The following UMAD1 variants were observed in gnomAD, a reference collection of about 807,000 sequenced individuals.
The protein encoded by UMAD1 is UBAP1-MVB12-associated (UMA)-domain containing protein 1.
In UMAD1, 8 loss-of-function variants were observed where a neutral mutation model predicts 6.1. The ratio of observed to expected loss-of-function variants is 1.30; its 90% confidence interval spans 0.76 to 2.35. The LOEUF (loss-of-function observed/expected upper bound fraction) is 2.35. Ranked by LOEUF, UMAD1 falls within the 30% of genes most tolerant of loss-of-function variation. The probability of loss-of-function intolerance (pLI) is 0.00; values close to 1 mark genes in which losing one functional copy is unlikely to be tolerated. For synonymous variants in UMAD1, 56 were observed against 31.4 expected (o/e 1.78, Z -2.61); for missense variants, 130 against 78.4 (o/e 1.66, Z -2.49).
At chr7:7,744,559 A>G (rs1048874958) in intron 2 of UMAD1, among the ~76,000 whole-genome samples, 18 of 147,256 alleles carry the variant, frequency 1.2e-4, no homozygotes, top group Middle Eastern at 3.6e-3. Context: ...AAGGGTTCTC[A>G]TTTCTCCACG....
At chr7:7,865,045 C>G (rs186500463) in intron 3 of UMAD1, among the ~76,000 whole-genome samples, 190 of 152,268 alleles carry the variant, frequency 1.2e-3, no homozygotes, top group African/African-American at 4.4e-3. Flanking sequence ...TGATCTTGCC[C>G]TATGCATCTC....
At chr7:7,842,970 C>T (rs147873406) in intron 3 of UMAD1, among the ~76,000 whole-genome samples, 9 of 152,246 alleles carry the variant, frequency 5.9e-5, no homozygotes, top group South Asian at 2.1e-4. Flanking sequence ...TGAAGGGGGA[C>T]GCTGTGGGCC....
At chr7:7,665,164 A>T (rs965303179) in intron 1 of UMAD1, among the ~76,000 whole-genome samples, 1 of 152,210 alleles carries the variant, frequency 6.6e-6, no homozygotes, top group Admixed American at 6.5e-5. Context: ...AAATTGAGAA[A>T]ACCATGTTGC....
At chr7:7,760,414 A>ATAG (rs890786937) in intron 2 of UMAD1, among the ~76,000 whole-genome samples, 1 of 52,798 alleles carries the variant, frequency 1.9e-5, no homozygotes, top group Non-Finnish European at 3.9e-5. Flanking sequence ...AAAATACAAA[A>ATAG]TAATAATAAT....
chr7:7,775,633 A>C (rs957829000), intron 2 of UMAD1, among the ~76,000 whole-genome samples: 1 of 152,204 alleles, frequency 6.6e-6, no homozygotes, highest in African/African-American at 2.4e-5. Flanking sequence ...GAAAGGCTAA[A>C]ATTACAAAGA....
At chr7:7,707,364 G>T (rs1002376030) in intron 2 of UMAD1, among the ~76,000 whole-genome samples, 1 of 152,016 alleles carries the variant, frequency 6.6e-6, no homozygotes, top group African/African-American at 2.4e-5. Context: ...CTTTTTGCTT[G>T]CCTTGAATGA....
chr7:7,842,212 G>T lies in UMAD1; in HGVS notation c.157-35069G>T, dbSNP rs147750519. Among the ~76,000 whole-genome samples, 19 of 152,200 alleles carry T rather than the reference G, an allele frequency of 1.2e-4. No homozygotes were observed. The East Asian group carries it at 3.7e-3, about 29-fold the overall frequency. ...GACACTGAGTGGCTTAGTTCTGTGAGCCCCAGTTCTTTCTCTGTAAAATGA... is the reference window on the plus strand; with the variant it reads ...GACACTGAGTGGCTTAGTTCTGTGATCCCCAGTTCTTTCTCTGTAAAATGA... On this transcript the variant is annotated intron_variant, in intron 3 of 3. Transcript: ENST00000682710.
At chr7:7,844,408 T>C (rs1783745054) in intron 3 of UMAD1, among the ~76,000 whole-genome samples, 1 of 152,172 alleles carries the variant, frequency 6.6e-6, no homozygotes, top group Non-Finnish European at 1.5e-5. Flanking sequence ...TTTTAAAGTG[T>C]CCTACCTAGT....
At chr7:7,801,870 G>T in intron 3 of UMAD1, 127 bp downstream of exon 3, 1 of 626,644 alleles carries the variant, frequency 1.6e-6, no homozygotes, top group Non-Finnish European at 2.9e-6. Flanking sequence ...AGGGAAACAA[G>T]TGGTCTGCTG....
chr7:7,671,137 C>T (rs559440677), intron 1 of UMAD1, among the ~76,000 whole-genome samples: 23 of 152,244 alleles, frequency 1.5e-4, no homozygotes, highest in African/African-American at 5.5e-4. Flanking sequence ...GAATTGAGAC[C>T]AGATTATTTT....
At chr7:7,860,826 T>G (rs1005065480) in intron 3 of UMAD1, among the ~76,000 whole-genome samples, 2 of 151,362 alleles carry the variant, frequency 1.3e-5, no homozygotes, top group Non-Finnish European at 2.9e-5. Context: ...TTGTCCTACA[T>G]TAGACAAAAG....
At chr7:7,875,932 G>A (rs1784408725) in intron 3 of UMAD1, among the ~76,000 whole-genome samples, 1 of 152,130 alleles carries the variant, frequency 6.6e-6, no homozygotes. Flanking sequence ...ACAAAAATTA[G>A]CCAAGCATGG....
At chr7:7,864,962 G>C (rs1784199275) in intron 3 of UMAD1, among the ~76,000 whole-genome samples, 1 of 152,160 alleles carries the variant, frequency 6.6e-6, no homozygotes, top group Admixed American at 6.5e-5. Flanking sequence ...AGAGTTTCTG[G>C]ATTGGTGAAC....
At chr7:7,697,732 T>C (rs1780354985) in intron 2 of UMAD1, among the ~76,000 whole-genome samples, 1 of 152,226 alleles carries the variant, frequency 6.6e-6, no homozygotes, top group Admixed American at 6.5e-5. Flanking sequence ...GATCATCAGG[T>C]AGTAAACTGG....
intron 2 of UMAD1, among the ~76,000 whole-genome samples, chr7:7,722,004 A>G (rs1354874102): frequency 2.0e-5 from 3 of 152,066 alleles, no homozygotes; most frequent in African/African-American, 4.8e-5. Flanking sequence ...ATCTTTTCCC[A>G]TGCTGGATGC....
chr7:7,847,056 T>TA (rs756458461), intron 3 of UMAD1, among the ~76,000 whole-genome samples: 1,112 of 33,478 alleles, frequency 0.033, 145 homozygotes, highest in African/African-American at 0.12. Flanking sequence ...TAGAGTATAA[T>TA]AAAAAAAAAA....
Position 7,724,772 on chromosome 7 carries a change from A to G in UMAD1, c.82+51319A>G, listed in dbSNP as rs140613452. On this transcript the variant is annotated intron_variant, in intron 2 of 3. Transcript: ENST00000682710. ...ATACATCTCCTGATACCTGGTATGC[A>G]GCCATTGACTTGGCAAATGCCCTTT... Among the ~76,000 whole-genome samples the G allele has an allele frequency of 7.0e-3, 1,063 of 152,358 alleles. 4 individuals carry two copies. Among genetic ancestry groups the G allele is most frequent in the Middle Eastern group, 0.01 (3 of 294 alleles).
chr7:7,654,005 T>C (rs904826404), intron 1 of UMAD1, among the ~76,000 whole-genome samples: 9 of 152,178 alleles, frequency 5.9e-5, no homozygotes, highest in African/African-American at 2.2e-4. Flanking sequence ...AATTAGTAGA[T>C]TGAGGGGAGA....
In UMAD1 at chr7:7,825,248, T is replaced by C. The variant is rs78544736; in HGVS notation, c.156+23505T>C. 9.4e-3 allele frequency among the ~76,000 whole-genome samples: 1,428 copies of C among 152,276 alleles called. 30 individuals are homozygous for C. Among genetic ancestry groups the C allele is most frequent in the African/African-American group, 0.032 (1,345 of 41,564 alleles). On this transcript the variant is annotated intron_variant, in intron 3 of 3. Transcript: ENST00000682710. Reference sequence around the variant, plus strand: ...CCCATCACTGAAGTTAATTAATAAGTCCATTCACAACGAGATAGTCAATTA... The same window carrying C: ...CCCATCACTGAAGTTAATTAATAAGCCCATTCACAACGAGATAGTCAATTA...
Sources: gnomAD v4.1 joint callset for allele counts (sites outside exome capture counted in the v4.1 genomes callset) on GRCh38, gnomAD v4.1.1 for gene constraint, MANE v1.5 for transcripts, NCBI Gene and HGNC (gene_info 2026-07-23, HGNC 2026-07-21) for gene names.